Variants in GALNTL6 observed in about 807,000 individuals in gnomAD.
GALNTL6 encodes polypeptide N-acetylgalactosaminyltransferase-like 6.
Under a neutral mutation model 73.7 loss-of-function variants are expected in GALNTL6, and 46 were observed. That is an observed-to-expected ratio of 0.62 (90% CI 0.49 to 0.80). The LOEUF is 0.80. Ranked by LOEUF, GALNTL6 falls within the 30% of genes least tolerant of loss-of-function variation. The probability of loss-of-function intolerance (pLI) is 0.00; values close to 1 mark genes in which losing one functional copy is unlikely to be tolerated. For missense variants in GALNTL6, 604 were observed against 755.0 expected, an observed-to-expected ratio of 0.80 and a Z score of 2.34; for synonymous variants, 259 against 263.7, an observed-to-expected ratio of 0.98 and a Z score of 0.17.
intron 5 of GALNTL6, among the ~76,000 whole-genome samples, chr4:172,720,783 T>G (rs1043302691): frequency 3.3e-5 from 5 of 152,262 alleles, no homozygotes; most frequent in African/African-American, 9.6e-5. Context: ...TACCTCTCAC[T>G]GTTAGCCAAT....
At chr4:172,259,389 A>G (rs964121553) in intron 3 of GALNTL6, among the ~76,000 whole-genome samples, 8 of 149,902 alleles carry the variant, frequency 5.3e-5, no homozygotes, top group African/African-American at 1.9e-4. Context: ...TTTGTCGGCC[A>G]TTCGTATATC....
At chr4:172,007,214 C>T (rs1451433379) in intron 2 of GALNTL6, among the ~76,000 whole-genome samples, 1 of 151,862 alleles carries the variant, frequency 6.6e-6, no homozygotes, top group Non-Finnish European at 1.5e-5. Flanking sequence ...TTATGGTTTG[C>T]ATTTCACTAT....
intron 2 of GALNTL6, among the ~76,000 whole-genome samples, chr4:172,065,079 G>T (rs1166949643): frequency 6.6e-6 from 1 of 152,034 alleles, no homozygotes; most frequent in Non-Finnish European, 1.5e-5. Context: ...TAGAGTTGGT[G>T]TTATTTTTAG....
At chr4:171,994,067 A>G (rs1222679018) in intron 2 of GALNTL6, among the ~76,000 whole-genome samples, 2 of 152,058 alleles carry the variant, frequency 1.3e-5, no homozygotes, top group African/African-American at 4.8e-5. Context: ...GAACTCTCTT[A>G]TGGATTGAGT....
At chr4:172,393,661 A>G (rs6856936) in intron 5 of GALNTL6, among the ~76,000 whole-genome samples, 142,813 of 152,244 alleles carry the variant, frequency 0.94, 67,597 homozygotes, top group Non-Finnish European at 1. Flanking sequence ...TTTGTCTTCG[A>G]GATTTCCCTG....
chr4:172,238,267 T>G (rs1737308120), intron 3 of GALNTL6, among the ~76,000 whole-genome samples: 1 of 152,194 alleles, frequency 6.6e-6, no homozygotes, highest in African/African-American at 2.4e-5. Flanking sequence ...ATTTCATCTC[T>G]GATTTCTTTG....
intron 5 of GALNTL6, among the ~76,000 whole-genome samples, chr4:172,808,517 G>A (rs1741106278): frequency 6.6e-6 from 1 of 152,120 alleles, no homozygotes; most frequent in Non-Finnish European, 1.5e-5. Flanking sequence ...CCCTCATAAT[G>A]TCTTAGATAG....
intron 5 of GALNTL6, among the ~76,000 whole-genome samples, chr4:172,619,232 C>T (rs927149909): frequency 2.0e-5 from 3 of 152,092 alleles, no homozygotes; most frequent in African/African-American, 4.8e-5. Context: ...GATTCCTACG[C>T]GCCCTTCATC....
At chr4:172,036,256 G>T (rs1427316868) in intron 2 of GALNTL6, among the ~76,000 whole-genome samples, 1 of 152,128 alleles carries the variant, frequency 6.6e-6, no homozygotes, top group Non-Finnish European at 1.5e-5. Flanking sequence ...CAAAGGTTTG[G>T]ATTTTGGGTC....
intron 2 of GALNTL6, among the ~76,000 whole-genome samples, chr4:171,868,641 A>G (rs1736036836): frequency 1.3e-5 from 2 of 152,158 alleles, no homozygotes; most frequent in African/African-American, 4.8e-5. Flanking sequence ...CTTGGAACAC[A>G]GGATTCTTGA....
chr4:172,878,916 T>C (rs933473825), intron 7 of GALNTL6, among the ~76,000 whole-genome samples: 11 of 151,848 alleles, frequency 7.2e-5, no homozygotes, highest in African/African-American at 2.7e-4. Context: ...GAAAAAGTTA[T>C]AAATACTAGT....
intron 5 of GALNTL6, among the ~76,000 whole-genome samples, chr4:172,392,207 T>C (rs1259561828): frequency 6.6e-6 from 1 of 152,086 alleles, no homozygotes; most frequent in Non-Finnish European, 1.5e-5. Flanking sequence ...CAGGCTGGTC[T>C]CAAACTCCAG....
intron 5 of GALNTL6, among the ~76,000 whole-genome samples, chr4:172,381,450 G>A (rs1280745656): frequency 2.0e-5 from 3 of 152,064 alleles, no homozygotes; most frequent in South Asian, 2.1e-4. Flanking sequence ...CAGTTTTCTG[G>A]TAACCAGTAA....
chr4:172,786,106 G>A (rs1739638445), intron 5 of GALNTL6, among the ~76,000 whole-genome samples: 1 of 151,746 alleles, frequency 6.6e-6, no homozygotes, highest in Admixed American at 6.6e-5. Flanking sequence ...TCCAAAATAG[G>A]GCTACGAGAG....
intron 2 of GALNTL6, among the ~76,000 whole-genome samples, chr4:172,071,918 C>T (rs1017160086): frequency 6.6e-6 from 1 of 152,142 alleles, no homozygotes; most frequent in East Asian, 1.9e-4. Context: ...TTTGCTTGGG[C>T]TTAGGAAAGT....
intron 2 of GALNTL6, among the ~76,000 whole-genome samples, chr4:171,979,972 C>A (rs189145): frequency 6.6e-6 from 1 of 151,938 alleles, no homozygotes; most frequent in Admixed American, 6.6e-5. Flanking sequence ...GAAACAGCTC[C>A]TCAAGAAGAT....
intron 2 of GALNTL6, among the ~76,000 whole-genome samples, chr4:171,979,579 C>T (rs1739829600): frequency 6.6e-6 from 1 of 152,136 alleles, no homozygotes; most frequent in Non-Finnish European, 1.5e-5. Context: ...TTTGGAGATC[C>T]ATTCCAGGTT....
chr4:172,713,775 T>A (rs1285788241), intron 5 of GALNTL6, among the ~76,000 whole-genome samples: 2 of 152,158 alleles, frequency 1.3e-5, no homozygotes, highest in African/African-American at 4.8e-5. Context: ...CTCAAATCCA[T>A]CCCTGATCTC....
chr4:172,247,230 A>G (rs1737693111), intron 3 of GALNTL6, among the ~76,000 whole-genome samples: 1 of 152,146 alleles, frequency 6.6e-6, no homozygotes, highest in Non-Finnish European at 1.5e-5. Flanking sequence ...TTGATGTTTG[A>G]CAGCCACCCA....
Sources: allele counts gnomAD v4.1 joint callset (sites outside exome capture counted in the v4.1 genomes callset), GRCh38; gene constraint gnomAD v4.1.1; transcripts MANE v1.5; gene names NCBI Gene and HGNC (gene_info 2026-07-23, HGNC 2026-07-21).